The following CDH18 variants were observed in gnomAD, a reference collection of about 807,000 sequenced individuals.
CDH18 encodes the protein cadherin-18.
CDH18 carries 31 observed loss-of-function variants against 67.9 expected under a neutral mutation model. The ratio of observed to expected loss-of-function variants is 0.46; its 90% CI spans 0.34 to 0.62. CDH18 has a LOEUF of 0.62. Ranked by LOEUF, CDH18 falls within the 20% of genes least tolerant of loss-of-function variation. The pLI is 0.01. For missense variants in CDH18, 890 were observed against 975.5 expected, an observed-to-expected ratio of 0.91 and a Z score of 1.17; for synonymous variants, 362 against 347.2, an observed-to-expected ratio of 1.04 and a Z score of -0.48.
intron 1 of CDH18, among the ~76,000 whole-genome samples, chr5:20,361,757 G>T (rs951749296): frequency 1.3e-5 from 2 of 151,904 alleles, no homozygotes; most frequent in African/African-American, 4.8e-5. Context: ...TGATTATATA[G>T]GTTATTTTCA....
intron 2 of CDH18, among the ~76,000 whole-genome samples, chr5:20,084,115 C>T (rs903487548): frequency 1.3e-5 from 2 of 152,142 alleles, no homozygotes; most frequent in African/African-American, 4.8e-5. Flanking sequence ...GTCCCTTCCA[C>T]CTATGAGCCT....
chr5:19,848,506 G>A (rs375018777), intron 2 of CDH18, among the ~76,000 whole-genome samples: 4 of 152,188 alleles, frequency 2.6e-5, no homozygotes, highest in Admixed American at 1.3e-4. Flanking sequence ...TTGAAATAAT[G>A]TCTCCATGGG....
At chr5:19,481,060 C>A (rs6882926) in intron 12 of CDH18, among the ~76,000 whole-genome samples, 2 of 152,170 alleles carry the variant, frequency 1.3e-5, no homozygotes, top group Admixed American at 6.6e-5. Flanking sequence ...AGATTTACTA[C>A]ACAGCATAAT....
At chr5:20,482,451 G>A (rs1464904777) in intron 1 of CDH18, among the ~76,000 whole-genome samples, 1 of 151,894 alleles carries the variant, frequency 6.6e-6, no homozygotes, top group Non-Finnish European at 1.5e-5. Flanking sequence ...GTAATACCCT[G>A]ATACCAAAAT....
At chr5:19,631,375 C>T (rs940117464) in intron 5 of CDH18, among the ~76,000 whole-genome samples, 2 of 152,082 alleles carry the variant, frequency 1.3e-5, no homozygotes, top group Admixed American at 1.3e-4. Flanking sequence ...AGCTGACTCT[C>T]GATTTGTCAA....
intron 1 of CDH18, among the ~76,000 whole-genome samples, chr5:20,422,902 A>T (rs1474653838): frequency 6.6e-6 from 1 of 151,126 alleles, no homozygotes; most frequent in Non-Finnish European, 1.5e-5. Context: ...AGGTTGGTTT[A>T]TGCCAGATTA....
intron 2 of CDH18, among the ~76,000 whole-genome samples, chr5:19,868,276 C>T (rs924455965): frequency 6.6e-6 from 1 of 152,122 alleles, no homozygotes. Context: ...ACCACCACCC[C>T]CTATCTCTGT....
chr5:20,390,229 A>T (rs891918544), intron 1 of CDH18, among the ~76,000 whole-genome samples: 1 of 152,194 alleles, frequency 6.6e-6, no homozygotes, highest in Non-Finnish European at 1.5e-5. Context: ...AAATTTTTGC[A>T]ATCTACTCAT....
chr5:20,448,049 C>T (rs1469732650), intron 1 of CDH18, among the ~76,000 whole-genome samples: 1 of 151,836 alleles, frequency 6.6e-6, no homozygotes, highest in East Asian at 1.9e-4. Context: ...CTATCCGTCC[C>T]CTCTCCCCCC....
chr5:19,720,577 G>A (rs1020627542), intron 5 of CDH18, among the ~76,000 whole-genome samples: 3 of 152,004 alleles, frequency 2.0e-5, no homozygotes, highest in Non-Finnish European at 2.9e-5. Context: ...TTTGGATTCC[G>A]CTGCTGTAGC....
intron 1 of CDH18, among the ~76,000 whole-genome samples, chr5:20,334,750 T>TCACACA (rs1395879379): frequency 1.3e-4 from 13 of 99,336 alleles, no homozygotes; most frequent in African/African-American, 3.4e-4. Context: ...TCTCTCTCTC[T>TCACACA]CATACACACA....
At chr5:20,010,098 T>C (rs952846179) in intron 2 of CDH18, among the ~76,000 whole-genome samples, 4 of 127,962 alleles carry the variant, frequency 3.1e-5, no homozygotes, top group African/African-American at 9.8e-5. Context: ...GATATTTCCA[T>C]ACATGAATGA....
chr5:20,010,629 A>C (rs1737351589), intron 2 of CDH18, among the ~76,000 whole-genome samples: 2 of 152,140 alleles, frequency 1.3e-5, no homozygotes, highest in Admixed American at 1.3e-4. Flanking sequence ...TCTGATTTGA[A>C]TTTTCTGTAA....
In CDH18 at chr5:20,248,754, G is replaced by T. The variant is rs537669849; in HGVS notation, c.-518+6690C>A. Among the ~76,000 whole-genome samples, 3 of 152,238 alleles carry T rather than the reference G, an allele frequency of 2.0e-5. No homozygotes were observed. The East Asian group carries it at 5.8e-4, about 29-fold the overall frequency. On this transcript the variant is annotated intron_variant, in intron 2 of 14. Transcript: ENST00000507958. ...CTTAAAAATACAAGCATAAGCGAAC[G>T]TTGAACTTAATATGATTATTTTTGT...
At chr5:20,391,578 G>A (rs1207690966) in intron 1 of CDH18, among the ~76,000 whole-genome samples, 1 of 151,936 alleles carries the variant, frequency 6.6e-6, no homozygotes, top group African/African-American at 2.4e-5. Flanking sequence ...AATCAGCTGT[G>A]AGATTCTACT....
intron 1 of CDH18, among the ~76,000 whole-genome samples, chr5:20,479,978 T>C (rs1752682615): frequency 6.6e-6 from 1 of 152,100 alleles, no homozygotes; most frequent in African/African-American, 2.4e-5. Flanking sequence ...GAGAGTGGCA[T>C]GACATATATG....
rs182249470 is a variant in CDH18 at position 19,949,438 on chromosome 5, C to T, written c.-257+31622G>A. Among the ~76,000 whole-genome samples, 111 of 152,212 alleles carry T rather than the reference C, an allele frequency of 7.3e-4. 1 individual carries two copies. The highest frequency in any genetic ancestry group is 2.5e-3 in the African/African-American group (102 of 41,558). ...AAAGCTTAACAATATATAAAGCAGA[C>T]TGTGCCCTCACAGCTCAGTCTTGTC... is the stretch of plus-strand genomic sequence containing the variant. On this transcript the variant is annotated intron_variant, in intron 2 of 12. Transcript: ENST00000382275.
At chr5:20,271,248 T>C (rs150647502) in intron 1 of CDH18, among the ~76,000 whole-genome samples, 235 of 152,260 alleles carry the variant, frequency 1.5e-3, no homozygotes, top group African/African-American at 5.6e-3. Flanking sequence ...ATGGATAAGT[T>C]AGATCAGAAG....
chr5:19,946,185 T>A (rs1795267652), intron 2 of CDH18, among the ~76,000 whole-genome samples: 1 of 152,144 alleles, frequency 6.6e-6, no homozygotes, highest in Admixed American at 6.5e-5. Flanking sequence ...CATCGAGGCC[T>A]GAAGGAAGTA....
Sources: allele counts gnomAD v4.1 joint callset (sites outside exome capture counted in the v4.1 genomes callset), GRCh38; gene constraint gnomAD v4.1.1; transcripts MANE v1.5; gene names NCBI Gene and HGNC (gene_info 2026-07-23, HGNC 2026-07-21).